The following FER variants were observed in gnomAD, a reference collection of about 807,000 sequenced individuals.
FER encodes FER tyrosine kinase, also known as tyrosine-protein kinase Fer.
In FER, 63 loss-of-function variants were observed where a neutral mutation model predicts 111.0. That is an observed-to-expected ratio of 0.57 (90% CI 0.46 to 0.70). FER has a LOEUF of 0.70. FER is among the 30% of genes least tolerant of loss of function. The pLI is 0.00. For synonymous variants in FER, 327 were observed against 313.9 expected, an observed-to-expected ratio of 1.04 and a Z score of -0.44; for missense variants, 914 against 954.0, an observed-to-expected ratio of 0.96 and a Z score of 0.55.
chr5:108,756,078 C>T (rs1173991782), intron 1 of FER, among the ~76,000 whole-genome samples: 4 of 148,852 alleles, frequency 2.7e-5, no homozygotes, highest in South Asian at 4.3e-4. Flanking sequence ...TGCTTGAACA[C>T]GGGAGGTGGA....
At chr5:109,067,414 T>C (rs1775239699) in intron 16 of FER, among the ~76,000 whole-genome samples, 1 of 152,174 alleles carries the variant, frequency 6.6e-6, no homozygotes, top group African/African-American at 2.4e-5. Context: ...GTTGTTATTT[T>C]TGTTTGTTTA....
At chr5:108,792,244 G>A (rs1755461912) in intron 2 of FER, among the ~76,000 whole-genome samples, 1 of 152,204 alleles carries the variant, frequency 6.6e-6, no homozygotes, top group Admixed American at 6.5e-5. Flanking sequence ...AATATGGATT[G>A]TGTTAAATTT....
intron 2 of FER, chr5:108,784,390 G>T: frequency 6.5e-6 from 1 of 153,820 alleles, no homozygotes. Context: ...GCATCACCGT[G>T]AGACAATTTG....
chr5:109,118,074 CG>C (rs1024947301), intron 17 of FER, among the ~76,000 whole-genome samples: 12 of 152,108 alleles, frequency 7.9e-5, no homozygotes, highest in Non-Finnish European at 1.6e-4. Flanking sequence ...AGAGGGCATC[CG>C]TGTCTTGTGC....
chr5:109,035,917 T>A (rs1010174763), intron 13 of FER, among the ~76,000 whole-genome samples: 1 of 152,176 alleles, frequency 6.6e-6, no homozygotes, highest in Non-Finnish European at 1.5e-5. Context: ...TGACTAATGA[T>A]GTTAAGTGTC....
At chr5:108,959,481 C>A (rs1561680184) in intron 13 of FER, 134 bp downstream of exon 13, 2 of 721,642 alleles carry the variant, frequency 2.8e-6, no homozygotes, top group Non-Finnish European at 2.1e-6. Flanking sequence ...GTTTTTCTAG[C>A]TTTTATTACT....
In FER at chr5:109,130,821, C is replaced by T. The variant is rs573763976; in HGVS notation, c.2048+30302C>T. On this transcript the variant is annotated intron_variant, in intron 17 of 19. Transcript: ENST00000281092. ...ACAGCACAGCCTTAGACTGTAAGCT[C>T]TGTGAGGACAAGGGAATCCTTTTTA... 6.6e-5 allele frequency among the ~76,000 whole-genome samples: 10 copies of T among 152,214 alleles called. No homozygotes were observed. In the South Asian group the frequency reaches 1.9e-3, roughly 28 times the overall value.
intron 10 of FER, among the ~76,000 whole-genome samples, chr5:108,899,260 TA>T (rs1397269150): frequency 6.6e-6 from 1 of 152,186 alleles, no homozygotes; most frequent in African/African-American, 2.4e-5. Flanking sequence ...AATTGTGAAT[TA>T]TGAATCCTTG....
At position 109,047,131 on chromosome 5, in the gene FER, T is replaced by A; in HGVS notation, c.1857T>A (p.Asn619Lys). 1 of 1,603,912 alleles carries A rather than the reference T, an allele frequency of 6.2e-7. No homozygotes were observed. The highest frequency in any genetic ancestry group is 8.5e-7 in the Non-Finnish European group (1 of 1,173,430). The change falls in exon 16 of 20, where the codon AAT becomes AAA. Residue 619 changes from asparagine (N) to lysine (K), a missense_variant. Coordinates refer to ENST00000281092, the MANE Select transcript of FER (RefSeq NM_005246.4). ...TTCTCAAGCAATATGATCATCCCAATATTGTCAAACTTATAGGAGTTTGCA... is the reference window on the plus strand; with the variant it reads ...TTCTCAAGCAATATGATCATCCCAAAATTGTCAAACTTATAGGAGTTTGCA... Reference protein sequence around the residue: ...AKILKQYDHPNIVKLIGVCTQ... With the variant: ...AKILKQYDHPKIVKLIGVCTQ...
intron 13 of FER, among the ~76,000 whole-genome samples, chr5:108,995,883 A>T (rs1045064993): frequency 1.3e-5 from 2 of 152,120 alleles, no homozygotes. Flanking sequence ...ACTCCCACCA[A>T]CAGTGTAAAA....
chr5:108,970,419 G>T (rs949902799), intron 13 of FER, among the ~76,000 whole-genome samples: 1 of 151,438 alleles, frequency 6.6e-6, no homozygotes, highest in African/African-American at 2.4e-5. Flanking sequence ...ACGGGGTTTT[G>T]CCGTGTTAGC....
At chr5:109,110,254 A>C (rs1749442759) in intron 17 of FER, among the ~76,000 whole-genome samples, 1 of 152,204 alleles carries the variant, frequency 6.6e-6, no homozygotes, top group South Asian at 2.1e-4. Context: ...ATAATAATCA[A>C]ATATAAAATA....
At chr5:109,102,216 T>C (rs1335776375) in intron 17 of FER, among the ~76,000 whole-genome samples, 1 of 152,152 alleles carries the variant, frequency 6.6e-6, no homozygotes, top group Non-Finnish European at 1.5e-5. Flanking sequence ...TTTCCCACTT[T>C]GCTTTTTAAG....
chr5:108,877,500 T>C (rs1581009963), intron 8 of FER, among the ~76,000 whole-genome samples: 1 of 152,318 alleles, frequency 6.6e-6, no homozygotes, highest in East Asian at 1.9e-4. Context: ...TGTTTACTCT[T>C]GAGAAAAGCT....
chr5:108,936,051 A>G (rs564793201), intron 10 of FER, among the ~76,000 whole-genome samples: 1 of 152,134 alleles, frequency 6.6e-6, no homozygotes, highest in Admixed American at 6.6e-5. Flanking sequence ...AATAGCAAAA[A>G]ATTTGTATTA....
intron 13 of FER, among the ~76,000 whole-genome samples, chr5:109,033,040 A>G (rs1769863140): frequency 6.6e-6 from 1 of 152,198 alleles, no homozygotes; most frequent in Admixed American, 6.5e-5. Context: ...TGAAATGTTA[A>G]ATATAACTCT....
intron 5 of FER, among the ~76,000 whole-genome samples, chr5:108,865,361 G>C (rs200759383): frequency 2.0e-5 from 3 of 152,046 alleles, no homozygotes. Context: ...TCTCCTGCCT[G>C]ATTGCCCTGG....
intron 13 of FER, among the ~76,000 whole-genome samples, chr5:108,995,521 G>A (rs948656969): frequency 6.6e-6 from 1 of 151,856 alleles, no homozygotes. Flanking sequence ...GTGGTGTTTG[G>A]TTTTCTGTTC....
At position 108,914,446 on chromosome 5, in the gene FER, A is replaced by G. The variant is rs1156907832; in HGVS notation, c.1236+16598A>G. 4.6e-5 allele frequency among the ~76,000 whole-genome samples: 7 copies of G among 152,192 alleles called. No homozygotes were observed. The East Asian group carries it at 7.7e-4, about 17-fold the overall frequency. On this transcript the variant is annotated intron_variant, in intron 10 of 19. Coordinates refer to ENST00000281092, the MANE Select transcript of FER (RefSeq NM_005246.4). ...ATTCTTTCTCTTTTACTGAGAAACTATAGTTCGCTATTATTTTTGATAACA... is the reference window on the plus strand; with the variant it reads ...ATTCTTTCTCTTTTACTGAGAAACTGTAGTTCGCTATTATTTTTGATAACA...
Sources: gnomAD v4.1 joint callset for allele counts (sites outside exome capture counted in the v4.1 genomes callset) on GRCh38, gnomAD v4.1.1 for gene constraint, MANE v1.5 for transcripts, NCBI Gene and HGNC (gene_info 2026-07-23, HGNC 2026-07-21) for gene names.